The following PPARGC1A variants were observed in gnomAD, a reference collection of about 807,000 sequenced individuals.
PPARGC1A encodes the protein PPARG coactivator 1 alpha, also known as peroxisome proliferator-activated receptor gamma coactivator 1-alpha.
PPARGC1A carries 25 observed loss-of-function variants against 88.7 expected under a neutral mutation model. The observed-to-expected ratio is 0.28, with a 90% CI of 0.21 to 0.39. The LOEUF (loss-of-function observed/expected upper bound fraction) is 0.39, where lower values mean the gene tolerates loss of function less well. Ranked by LOEUF, PPARGC1A falls within the 10% of genes least tolerant of loss-of-function variation. The pLI is 1.00. For missense variants in PPARGC1A, 880 were observed against 968.7 expected, an observed-to-expected ratio of 0.91 and a Z score of 1.22; for synonymous variants, 363 against 355.6, an observed-to-expected ratio of 1.02 and a Z score of -0.24.
chr4:23,801,670 T>C, intron 12 of PPARGC1A, 60 bp downstream of exon 12: 1 of 1,580,442 alleles, frequency 6.3e-7, no homozygotes, highest in Non-Finnish European at 8.7e-7. Context: ...GGATTATGTT[T>C]GTTCCCATCT....
In PPARGC1A at chr4:23,876,929, A is replaced by C. The variant is rs548606257; in HGVS notation, c.234+7823T>G. Among the ~76,000 whole-genome samples, 8 of 152,340 alleles carry C rather than the reference A, an allele frequency of 5.3e-5. No individual in the cohort carries two copies. In the South Asian group the frequency reaches 1.7e-3, roughly 32 times the overall value. Reference sequence around the variant, plus strand: ...AAACCTTGAATGAATAACTTGCAGTAGTAATGGAGATGGGCAGGTCTACAA... The same window carrying C: ...AAACCTTGAATGAATAACTTGCAGTCGTAATGGAGATGGGCAGGTCTACAA... On this transcript the variant is annotated intron_variant, in intron 2 of 12. Coordinates refer to ENST00000264867, the MANE Select transcript of PPARGC1A (RefSeq NM_013261.5).
the PPARGC1A span, among the ~76,000 whole-genome samples, chr4:24,246,231 A>C: frequency 1.3e-5 from 2 of 152,190 alleles, no homozygotes; most frequent in Non-Finnish European, 2.9e-5. Flanking sequence ...GCATGAAATA[A>C]ATTCTTCCTA....
At chr4:24,301,870 T>C in the PPARGC1A span, among the ~76,000 whole-genome samples, 2 of 152,100 alleles carry the variant, frequency 1.3e-5, no homozygotes, top group Non-Finnish European at 2.9e-5. Flanking sequence ...TCTAACACAG[T>C]ACTGAGCACT....
At chr4:24,107,543 A>G in the PPARGC1A span, among the ~76,000 whole-genome samples, 1 of 152,190 alleles carries the variant, frequency 6.6e-6, no homozygotes, top group Non-Finnish European at 1.5e-5. Context: ...CTTCTTTACT[A>G]CCAGCCTTAT....
chr4:24,278,274 T>A, the PPARGC1A span, among the ~76,000 whole-genome samples: 52 of 152,328 alleles, frequency 3.4e-4, no homozygotes, highest in East Asian at 4.2e-3. Context: ...TATACTACAA[T>A]GTACCAAGCA....
chr4:24,153,433 T>C, the PPARGC1A span, among the ~76,000 whole-genome samples: 2 of 152,090 alleles, frequency 1.3e-5, no homozygotes. Flanking sequence ...TTAAATAGTG[T>C]AGATTGGTGT....
At chr4:23,995,183 G>T in the PPARGC1A span, among the ~76,000 whole-genome samples, 2 of 152,112 alleles carry the variant, frequency 1.3e-5, no homozygotes, top group Non-Finnish European at 2.9e-5. Flanking sequence ...GTGGGTTTTG[G>T]TGGGTCCTGT....
At chr4:24,358,068 C>T in the PPARGC1A span, among the ~76,000 whole-genome samples, 4 of 152,274 alleles carry the variant, frequency 2.6e-5, no homozygotes, top group South Asian at 6.2e-4. Context: ...CCAGGGATAT[C>T]ATACATATTA....
At chr4:24,380,822 C>T in the PPARGC1A span, among the ~76,000 whole-genome samples, 4 of 151,566 alleles carry the variant, frequency 2.6e-5, no homozygotes, top group African/African-American at 7.3e-5. Context: ...GGTGTCGTTA[C>T]CTAAATCAAG....
At chr4:24,350,105 G>T in the PPARGC1A span, among the ~76,000 whole-genome samples, 1 of 152,194 alleles carries the variant, frequency 6.6e-6, no homozygotes, top group Non-Finnish European at 1.5e-5. Flanking sequence ...GGGAGAGGAG[G>T]GTCTCCCTTT....
chr4:24,219,381 G>A, the PPARGC1A span, among the ~76,000 whole-genome samples: 19 of 152,194 alleles, frequency 1.2e-4, no homozygotes, highest in African/African-American at 2.9e-4. Flanking sequence ...CTACATTCCC[G>A]GGCCGAATCT....
the PPARGC1A span, among the ~76,000 whole-genome samples, chr4:24,362,565 C>G: frequency 6.6e-6 from 1 of 152,228 alleles, no homozygotes; most frequent in African/African-American, 2.4e-5. Flanking sequence ...CAAGAAGGAG[C>G]CAATGACAGG....
chr4:24,309,206 CA>C, the PPARGC1A span, among the ~76,000 whole-genome samples: 1 of 151,666 alleles, frequency 6.6e-6, no homozygotes, highest in African/African-American at 2.4e-5. Context: ...CACCTTGAGG[CA>C]AAAAAACAAG....
chr4:24,395,612 A>G, the PPARGC1A span, among the ~76,000 whole-genome samples: 1 of 152,238 alleles, frequency 6.6e-6, no homozygotes, highest in Admixed American at 6.5e-5. Context: ...CTGTGGAAAT[A>G]GGAAGCTGTT....
At chr4:24,421,533 G>A in the PPARGC1A span, among the ~76,000 whole-genome samples, 104 of 152,028 alleles carry the variant, frequency 6.8e-4, 1 homozygote, top group Non-Finnish European at 1.2e-3. Flanking sequence ...GGATGATATC[G>A]CTCTCCTGAC....
the PPARGC1A span, among the ~76,000 whole-genome samples, chr4:24,049,184 GTCTC>G: frequency 4.1e-5 from 6 of 147,848 alleles, no homozygotes; most frequent in Non-Finnish European, 5.9e-5. Flanking sequence ...GAGAGAGACT[GTCTC>G]TCTCTATATA....
At chr4:24,369,465 C>T in the PPARGC1A span, among the ~76,000 whole-genome samples, 1 of 152,066 alleles carries the variant, frequency 6.6e-6, no homozygotes, top group Non-Finnish European at 1.5e-5. Flanking sequence ...ACCCTAAATG[C>T]ACTTTCCAAT....
chr4:23,961,470 C>T, the PPARGC1A span, among the ~76,000 whole-genome samples: 1 of 152,180 alleles, frequency 6.6e-6, no homozygotes, highest in African/African-American at 2.4e-5. Flanking sequence ...CCCCTGCTTC[C>T]CTGCACATCT....
chr4:24,031,092 A>C, the PPARGC1A span, among the ~76,000 whole-genome samples: 1 of 152,110 alleles, frequency 6.6e-6, no homozygotes, highest in Non-Finnish European at 1.5e-5. Context: ...TCACATTGAC[A>C]AGCAGAGACT....
Sources: gnomAD v4.1 joint callset for allele counts (sites outside exome capture counted in the v4.1 genomes callset) on GRCh38, gnomAD v4.1.1 for gene constraint, MANE v1.5 for transcripts, NCBI Gene and HGNC (gene_info 2026-07-23, HGNC 2026-07-21) for gene names.